The following ADAMTS9 variants were observed in gnomAD, a reference collection of about 807,000 sequenced individuals.
The protein encoded by ADAMTS9 is A disintegrin and metalloproteinase with thrombospondin motifs 9.
A neutral mutation model predicts 257.1 loss-of-function variants in ADAMTS9; 107 were observed. The ratio of observed to expected loss-of-function variants is 0.42; its 90% confidence interval spans 0.36 to 0.49. ADAMTS9 has a LOEUF of 0.49. Among genes scored for constraint, ADAMTS9 ranks in the 20% least tolerant of loss-of-function variants. The probability of loss-of-function intolerance (pLI) is 0.03; values close to 1 mark genes in which losing one functional copy is unlikely to be tolerated. For synonymous variants in ADAMTS9, 982 were observed against 880.9 expected (o/e 1.11, Z -2.03); for missense variants, 2,353 against 2,469.1 (o/e 0.95, Z 1.00).
intron 3 of ADAMTS9, among the ~76,000 whole-genome samples, chr3:64,672,598 G>C (rs1236086717): frequency 2.0e-5 from 3 of 152,136 alleles, no homozygotes; most frequent in Non-Finnish European, 4.4e-5. Context: ...CACAAGAATA[G>C]CTTGAACCTG....
At chr3:64,537,033 A>AC (rs1180171962) in intron 37 of ADAMTS9, among the ~76,000 whole-genome samples, 1 of 152,188 alleles carries the variant, frequency 6.6e-6, no homozygotes, top group Non-Finnish European at 1.5e-5. Flanking sequence ...GCTTTCTACA[A>AC]ACCTTTTCCT....
intron 16 of ADAMTS9, among the ~76,000 whole-genome samples, chr3:64,627,625 A>G (rs766720803): frequency 2.6e-5 from 4 of 152,130 alleles, no homozygotes; most frequent in African/African-American, 4.8e-5. Context: ...GTACTTTGTG[A>G]AACAAATAGT....
chr3:64,681,397 C>A (rs193152678), intron 2 of ADAMTS9, 34 bp from the exon 3 acceptor site: 3 of 1,579,094 alleles, frequency 1.9e-6, no homozygotes, highest in Non-Finnish European at 8.6e-7. Flanking sequence ...GTTGATTTAA[C>A]GTAACTCAGT....
At chr3:64,618,295 T>C (rs998502260) in intron 19 of ADAMTS9, among the ~76,000 whole-genome samples, 2 of 152,326 alleles carry the variant, frequency 1.3e-5, no homozygotes, top group Non-Finnish European at 2.9e-5. Context: ...ATTATTACCA[T>C]TGGCCTATGA....
intron 30 of ADAMTS9, chr3:64,561,264 A>C: frequency 9.4e-5 from 19 of 201,496 alleles, no homozygotes; most frequent in East Asian, 4.7e-4. Flanking sequence ...TATTCCTTCT[A>C]TCTCCCCCTC....
intron 37 of ADAMTS9, among the ~76,000 whole-genome samples, chr3:64,538,963 G>A (rs551601173): frequency 7.2e-5 from 11 of 152,262 alleles, no homozygotes; most frequent in East Asian, 1.9e-4. Flanking sequence ...CTAAGTTGGC[G>A]TGTTTTGTTG....
chr3:64,635,749 C>G (rs1700479815), intron 12 of ADAMTS9, among the ~76,000 whole-genome samples: 1 of 152,168 alleles, frequency 6.6e-6, no homozygotes, highest in African/African-American at 2.4e-5. Flanking sequence ...TGCTGTGTTT[C>G]AGAGTCTTTT....
At chr3:64,643,855 G>C (rs564010245) in intron 11 of ADAMTS9, among the ~76,000 whole-genome samples, 33 of 151,286 alleles carry the variant, frequency 2.2e-4, no homozygotes, top group African/African-American at 8.0e-4. Context: ...CTCAGTTCAT[G>C]TCGACATTTT....
At chr3:64,606,898 G>A in intron 23 of ADAMTS9, 62 bp downstream of exon 23, 1 of 1,598,948 alleles carries the variant, frequency 6.3e-7, no homozygotes, top group Non-Finnish European at 8.5e-7. Context: ...TGTCTAAACA[G>A]CTGGGCAGTT....
In ADAMTS9 at chr3:64,541,930, A is replaced by G. The variant is rs1559754539; in HGVS notation, c.5105T>C (p.Val1702Ala). ...SCGVGVMQRS[V>A]QCLTNEDQPS... Reference sequence around the variant, plus strand: ...TTGGTCCTCATTGGTTAAACATTGCACAGATCTCTGCATCACTCCAACACC... The same window carrying G: ...TTGGTCCTCATTGGTTAAACATTGCGCAGATCTCTGCATCACTCCAACACC... The change falls in exon 33 of 40, where the codon GTG becomes GCG. Residue 1702 changes from valine to alanine, a missense_variant. Val to Ala is a moderately conservative substitution (Grantham distance 64). Around this residue, in one of 3 missense-constraint regions of ADAMTS9, gnomAD observed 1,402 missense variants for 1,441.4 expected, o/e 0.97. Coordinates refer to ENST00000498707, the MANE Select transcript of ADAMTS9 (RefSeq NM_182920.2). The G allele has an allele frequency of 6.2e-7, 1 of 1,613,986 alleles. No individual in the cohort carries two copies. The highest frequency in any genetic ancestry group is 1.3e-5 in the African/African-American group (1 of 74,896).
At chr3:64,645,165 G>C (rs1313567033) in intron 11 of ADAMTS9, among the ~76,000 whole-genome samples, 3 of 152,152 alleles carry the variant, frequency 2.0e-5, no homozygotes, top group Non-Finnish European at 4.4e-5. Flanking sequence ...TAAGTGGCTG[G>C]TGAAATAAGA....
At chr3:64,640,358 C>T (rs1376217389) in intron 12 of ADAMTS9, among the ~76,000 whole-genome samples, 2 of 152,150 alleles carry the variant, frequency 1.3e-5, no homozygotes, top group Non-Finnish European at 2.9e-5. Flanking sequence ...AGAAAAGATT[C>T]GGAAGCTTTG....
At chr3:64,640,416 G>A (rs1184847137) in intron 12 of ADAMTS9, among the ~76,000 whole-genome samples, 1 of 152,176 alleles carries the variant, frequency 6.6e-6, no homozygotes, top group Non-Finnish European at 1.5e-5. Flanking sequence ...CCAGACCTGA[G>A]TAGTGCCCTG....
intron 16 of ADAMTS9, 94 bp downstream of exon 16, chr3:64,631,361 G>T: frequency 1.0e-6 from 1 of 976,146 alleles, no homozygotes; most frequent in Non-Finnish European, 1.6e-6. Context: ...ACATCTGAAA[G>T]CTCTGCCTCT....
At chr3:64,667,252 TAACAC>T (rs765276382) in intron 3 of ADAMTS9, among the ~76,000 whole-genome samples, 22 of 152,146 alleles carry the variant, frequency 1.4e-4, no homozygotes, top group Non-Finnish European at 2.4e-4. Context: ...GCAAAACACT[TAACAC>T]AGCATGCACA....
At position 64,532,718 on chromosome 3, in the gene ADAMTS9, T is replaced by G. The variant is rs76478080; in HGVS notation, c.5718+448A>C. ...TATTGTAGACCCTGTGTATCTCTAA[T>G]TCTCCAGATATATCGCTTAATAAGT... On this transcript the variant is annotated intron_variant, in intron 38 of 39. Coordinates refer to ENST00000498707, the MANE Select transcript of ADAMTS9 (RefSeq NM_182920.2). 9.8e-3 allele frequency among the ~76,000 whole-genome samples: 1,494 copies of G among 152,310 alleles called. 51 individuals are homozygous for G. The highest frequency in any genetic ancestry group is 0.075 in the East Asian group (389 of 5,170).
chr3:64,651,414 T>C (rs1277353587), intron 8 of ADAMTS9, among the ~76,000 whole-genome samples: 1 of 152,152 alleles, frequency 6.6e-6, no homozygotes, highest in Admixed American at 6.6e-5. Context: ...GGCTGGCCCA[T>C]GTATTTGGTT....
chr3:64,656,774 C>A (rs1033866596), intron 4 of ADAMTS9, among the ~76,000 whole-genome samples: 1 of 151,714 alleles, frequency 6.6e-6, no homozygotes, highest in Non-Finnish European at 1.5e-5. Context: ...GGCACGGAGG[C>A]CAGGCAGGGT....
intron 31 of ADAMTS9, among the ~76,000 whole-genome samples, chr3:64,547,408 C>A (rs2083215486): frequency 5.3e-5 from 8 of 151,276 alleles, no homozygotes. Context: ...AAGCACTGAG[C>A]CAACGGGGAC....
Sources: allele counts gnomAD v4.1 joint callset (sites outside exome capture counted in the v4.1 genomes callset), GRCh38; gene constraint gnomAD v4.1.1; regional missense constraint gnomAD v4.1.1; transcripts MANE v1.5; gene names NCBI Gene and HGNC (gene_info 2026-07-23, HGNC 2026-07-21).